Variants in GJB7 observed in about 807,000 individuals in gnomAD.
The protein encoded by GJB7 is gap junction protein beta 7.
For synonymous variants in GJB7, 87 were observed against 95.2 expected (o/e 0.91, Z 0.50); for missense variants, 253 against 256.8 (o/e 0.99, Z 0.10).
chr6:87,309,770 T>C (rs185296420), intron 2 of GJB7, among the ~76,000 whole-genome samples: 155 of 152,290 alleles, frequency 1.0e-3, no homozygotes, highest in Non-Finnish European at 1.5e-3. Flanking sequence ...CTAGAAAGTA[T>C]CCTTTCTATA....
Position 87,306,436 on chromosome 6 carries a change from T to A in GJB7, c.-28+16430A>T, listed in dbSNP as rs1473927711. On this transcript the variant is annotated intron_variant, in intron 2 of 2. Coordinates refer to ENST00000525899, the MANE Select transcript of GJB7 (RefSeq NM_198568.3). Reference sequence around the variant, plus strand: ...AACACATGAAAAAATGCTCACCATCTCTGGCCATCAGAGAAATGCAAATCA... The same window carrying A: ...AACACATGAAAAAATGCTCACCATCACTGGCCATCAGAGAAATGCAAATCA... 2.3e-3 allele frequency among the ~76,000 whole-genome samples: 357 copies of A among 152,244 alleles called. 1 individual carries two copies. Among genetic ancestry groups the A allele is most frequent in the African/African-American group, 5.2e-3 (217 of 41,536 alleles).
intron 1 of GJB7, among the ~76,000 whole-genome samples, chr6:87,324,702 G>A (rs1323052436): frequency 6.6e-6 from 1 of 151,784 alleles, no homozygotes; most frequent in East Asian, 1.9e-4. Flanking sequence ...GTCAGGTAGT[G>A]TGATACCTCC....
Position 87,284,469 on chromosome 6 carries a change from G to A in GJB7, c.444C>T (p.Gly148=), listed in dbSNP as rs1354409941. The A allele has an allele frequency of 1.2e-6, 2 of 1,613,862 alleles. No homozygotes were observed. The highest frequency in any genetic ancestry group is 3.3e-5 in the Admixed American group (2 of 59,988). ...ACTTTATAAGGTAGGGAACACTAAAGCCATCATATAGCTTATAAAATAAAA... is the reference window on the plus strand; with the variant it reads ...ACTTTATAAGGTAGGGAACACTAAAACCATCATATAGCTTATAAAATAAAA... ...FLVLFYKLYD[G]FSVPYLIKCD... is the part of the protein sequence containing the mutation. Residue 148 remains glycine, a synonymous_variant, in exon 3 of 3, where the codon GGC becomes GGT. Transcript: ENST00000525899.
chr6:87,299,274 T>A, intron 2 of GJB7: 1 of 477,024 alleles, frequency 2.1e-6, no homozygotes. Flanking sequence ...TTGCTACGAT[T>A]TCTGCAAATG....
intron 2 of GJB7, among the ~76,000 whole-genome samples, chr6:87,297,370 A>G (rs533610107): frequency 3.9e-5 from 6 of 152,326 alleles, no homozygotes; most frequent in African/African-American, 1.4e-4. Context: ...GTCCAGTGAT[A>G]CCCAGCATCA....
chr6:87,319,383 A>G (rs1776625644), intron 2 of GJB7, among the ~76,000 whole-genome samples: 1 of 152,188 alleles, frequency 6.6e-6, no homozygotes, highest in Admixed American at 6.5e-5. Flanking sequence ...TTTCTTACAC[A>G]TGCTTATGTT....
At chr6:87,325,214 A>T (rs1314443303) in intron 1 of GJB7, among the ~76,000 whole-genome samples, 6 of 151,900 alleles carry the variant, frequency 3.9e-5, no homozygotes, top group Admixed American at 3.3e-4. Flanking sequence ...ATCTGCAAAC[A>T]CGGACAATTT....
intron 1 of GJB7, among the ~76,000 whole-genome samples, chr6:87,326,428 G>A (rs139049205): frequency 1.1e-4 from 16 of 151,866 alleles, no homozygotes; most frequent in Non-Finnish European, 1.3e-4. Context: ...CCCTCTACAT[G>A]CTGCTTTGAA....
rs1344963005 is a variant in GJB7 at position 87,284,848 on chromosome 6, C to T, written c.65G>A (p.Trp22Ter). ...GVNKYSTGTG[W>*]IWLAVVFVFR... Reference sequence around the variant, plus strand: ...GACAAACACGACAGCCAGCCAAATCCATCCAGTCCCAGTGGAGTATTTATT... The same window carrying T: ...GACAAACACGACAGCCAGCCAAATCTATCCAGTCCCAGTGGAGTATTTATT... The change falls in exon 3 of 3, where the codon TGG (tryptophan) becomes TAG (stop). Residue 22 changes from tryptophan to a stop codon, truncating the protein, a stop_gained. Transcript: ENST00000525899. LOFTEE classifies it low-confidence loss of function (END_TRUNC). 3 of 1,613,950 alleles carry T rather than the reference C, an allele frequency of 1.9e-6. No homozygotes were observed. The Admixed American group carries it at 5.0e-5, about 27-fold the overall frequency.
intron 2 of GJB7, among the ~76,000 whole-genome samples, chr6:87,308,988 A>T (rs887836433): frequency 6.6e-6 from 1 of 152,210 alleles, no homozygotes; most frequent in South Asian, 2.1e-4. Context: ...AAAGACAAAG[A>T]TATTATGAAT....
intron 2 of GJB7, among the ~76,000 whole-genome samples, chr6:87,312,002 T>C (rs1382736055): frequency 2.0e-5 from 3 of 152,050 alleles, no homozygotes; most frequent in African/African-American, 7.2e-5. Context: ...TATGTGGTGA[T>C]AGAAATAAAA....
rs749304150 is a variant in GJB7, at chr6:87,284,521, T to C, written c.392A>G (p.Lys131Arg). ...AAGGAAGCCAATTTCAAAACCAGTT[T>C]TAACAATGAGGCTGATAAGATAAGC... ...WYAYLISLIV[K>R]TGFEIGFLVL... is the part of the protein sequence containing the mutation. Residue 131 changes from lysine to arginine, a missense_variant, in exon 3 of 3, where the codon AAA becomes AGA. Coordinates refer to ENST00000525899, the MANE Select transcript of GJB7 (RefSeq NM_198568.3). 4 of 1,614,150 alleles carry C rather than the reference T, an allele frequency of 2.5e-6. No individual in the cohort carries two copies. In the Admixed American group the frequency reaches 5.0e-5, roughly 20 times the overall value.
At chr6:87,307,469 C>G (rs529116381) in intron 2 of GJB7, among the ~76,000 whole-genome samples, 2 of 152,120 alleles carry the variant, frequency 1.3e-5, no homozygotes, top group African/African-American at 4.8e-5. Flanking sequence ...TTTTTGCAAT[C>G]TAGTCATCTG....
chr6:87,317,200 CAA>C (rs113016507), intron 2 of GJB7, among the ~76,000 whole-genome samples: 2 of 137,140 alleles, frequency 1.5e-5, no homozygotes, highest in Non-Finnish European at 3.1e-5. Flanking sequence ...ACTAAAAATA[CAA>C]AAAAAAAAAA....
chr6:87,327,071 C>G (rs1776841082), intron 1 of GJB7, among the ~76,000 whole-genome samples: 1 of 150,902 alleles, frequency 6.6e-6, no homozygotes, highest in South Asian at 2.1e-4. Context: ...TCTGTTTTAT[C>G]AGAGACTAGG....
At position 87,290,689 on chromosome 6, in the gene GJB7, A is replaced by T. The variant is rs59138817; in HGVS notation, c.-27-5750T>A. 6.2e-4 allele frequency among the ~76,000 whole-genome samples: 94 copies of T among 152,182 alleles called. No homozygotes were observed. The Middle Eastern group carries it at 0.01, about 17-fold the overall frequency. On this transcript the variant is annotated intron_variant, in intron 2 of 2. Coordinates refer to ENST00000525899, the MANE Select transcript of GJB7 (RefSeq NM_198568.3). Reference sequence around the variant, plus strand: ...TATTTATGAGCATTCTGCAAACTACACAGCACTCAGGCCCAATCCAGTCCA... The same window carrying T: ...TATTTATGAGCATTCTGCAAACTACTCAGCACTCAGGCCCAATCCAGTCCA...
chr6:87,303,643 A>C (rs943264365), intron 2 of GJB7, among the ~76,000 whole-genome samples: 2 of 152,238 alleles, frequency 1.3e-5, no homozygotes, highest in Non-Finnish European at 2.9e-5. Context: ...AAGGATATCC[A>C]GGAACTGAAC....
chr6:87,305,061 C>A (rs950411709), intron 2 of GJB7, among the ~76,000 whole-genome samples: 1 of 152,168 alleles, frequency 6.6e-6, no homozygotes, highest in African/African-American at 2.4e-5. Flanking sequence ...AAACCCACAG[C>A]CAATATCTTA....
intron 1 of GJB7, among the ~76,000 whole-genome samples, chr6:87,327,651 T>A (rs1409203428): frequency 2.0e-5 from 3 of 151,416 alleles, no homozygotes; most frequent in African/African-American, 4.8e-5. Context: ...CTTCCCTTTG[T>A]GGGTAACCCG....
Sources: gnomAD v4.1 joint callset for allele counts (sites outside exome capture counted in the v4.1 genomes callset) on GRCh38, gnomAD v4.1.1 for gene constraint, MANE v1.5 for transcripts, NCBI Gene and HGNC (gene_info 2026-07-23, HGNC 2026-07-21) for gene names.